SNX7: variants seen among roughly 807,000 people sequenced by gnomAD.
SNX7 encodes the protein sorting nexin-7.
In SNX7, 35 loss-of-function variants were observed where a neutral mutation model predicts 48.4. That is an observed-to-expected ratio of 0.72 (90% CI 0.55 to 0.96). SNX7 has a LOEUF of 0.96. Ranked by LOEUF, SNX7 falls within the 40% of genes least tolerant of loss-of-function variation. The probability of loss-of-function intolerance (pLI) is 0.00; values close to 1 mark genes in which losing one functional copy is unlikely to be tolerated. For synonymous variants in SNX7, 190 were observed against 190.2 expected (o/e 1.00, Z 0.01); for missense variants, 553 against 548.9 (o/e 1.01, Z -0.07).
At chr1:98,737,006 T>A (rs756609410) in intron 7 of SNX7, among the ~76,000 whole-genome samples, 1 of 152,086 alleles carries the variant, frequency 6.6e-6, no homozygotes, top group Non-Finnish European at 1.5e-5. Context: ...AACCTTACCA[T>A]AGACTACATG....
intron 4 of SNX7, among the ~76,000 whole-genome samples, chr1:98,695,212 C>A (rs367919207): frequency 6.6e-6 from 1 of 152,224 alleles, no homozygotes; most frequent in African/African-American, 2.4e-5. Flanking sequence ...ATCCTTATCT[C>A]CTCTAGTATC....
intron 1 of SNX7, chr1:98,662,454 A>T: frequency 6.6e-6 from 2 of 303,684 alleles, no homozygotes; most frequent in South Asian, 5.8e-5. Flanking sequence ...TGTTTCTAAC[A>T]GGAAGCTCCT....
intron 7 of SNX7, among the ~76,000 whole-genome samples, chr1:98,734,637 T>TTAC (rs1402363529): frequency 6.6e-6 from 1 of 152,180 alleles, no homozygotes; most frequent in Non-Finnish European, 1.5e-5. Context: ...ATAGTCATGA[T>TTAC]TACTGCTGTT....
At chr1:98,691,254 A>G (rs1017613095) in intron 3 of SNX7, 69 bp downstream of exon 3, 1 of 898,926 alleles carries the variant, frequency 1.1e-6, no homozygotes. Flanking sequence ...TTGAATGCCT[A>G]AAACCTAATT....
chr1:98,672,190 A>T (rs898808072), intron 1 of SNX7, among the ~76,000 whole-genome samples: 1 of 151,986 alleles, frequency 6.6e-6, no homozygotes, highest in Admixed American at 6.6e-5. Context: ...TTGCTCGTTT[A>T]TCTGTCAGCT....
At chr1:98,725,916 C>T (rs1653141202) in intron 7 of SNX7, among the ~76,000 whole-genome samples, 1 of 152,110 alleles carries the variant, frequency 6.6e-6, no homozygotes, top group Non-Finnish European at 1.5e-5. Context: ...AGTTCACCCA[C>T]CAACACTCTC....
Position 98,681,048 on chromosome 1 carries a change from G to A in SNX7, c.181-3837G>A, listed in dbSNP as rs114423637. Among the ~76,000 whole-genome samples, 1,169 of 152,292 alleles carry A rather than the reference G, an allele frequency of 7.7e-3. 10 individuals are homozygous for A. Among genetic ancestry groups the A allele is most frequent in the Middle Eastern group, 0.02 (6 of 294 alleles). On this transcript the variant is annotated intron_variant, in intron 1 of 8. Transcript: ENST00000306121. ...ACCTGAGACTGGGGCATTTGTATAG[G>A]AAAAGGGTTTAATGACTTACAATTC...
rs1304879421 is a variant in SNX7 at position 98,661,837 on chromosome 1, G to T, written c.106G>T (p.Gly36Cys). The part of the protein sequence containing the change: ...GGGAPFPGSS[G>C]SSALLQAEVL... ...CGGCGCCCCCTTTCCGGGCAGCAGTGGCTCTTCCGCCCTGCTGCAGGCGGA... is the reference window on the plus strand; with the variant it reads ...CGGCGCCCCCTTTCCGGGCAGCAGTTGCTCTTCCGCCCTGCTGCAGGCGGA... The change falls in exon 1 of 9, where the codon GGC becomes TGC. Residue 36 changes from glycine (G) to cysteine (C), a missense_variant. Physicochemically the swap from Gly to Cys is radical, Grantham distance 159. Transcript: ENST00000306121. The T allele has an allele frequency of 8.0e-7, 1 of 1,246,418 alleles. No homozygotes were observed. The highest frequency in any genetic ancestry group is 1.0e-6 in the Non-Finnish European group (1 of 987,322). 77.2% of individuals were successfully genotyped at this position (1,246,418 alleles called of 1,614,324 possible). A position where few individuals can be genotyped will look rare whatever the true frequency, so the allele number is the denominator to read the frequency against.
At chr1:98,677,977 C>CTG (rs150326628) in intron 1 of SNX7, among the ~76,000 whole-genome samples, 2 of 142,956 alleles carry the variant, frequency 1.4e-5, no homozygotes, top group South Asian at 2.2e-4. Flanking sequence ...CTGTATGAGT[C>CTG]TGTGTGTGTG....
At chr1:98,674,857 A>G (rs1169808895) in intron 1 of SNX7, among the ~76,000 whole-genome samples, 1 of 152,200 alleles carries the variant, frequency 6.6e-6, no homozygotes, top group Admixed American at 6.5e-5. Context: ...TTTCTTCTCT[A>G]TGAAACTCAC....
At chr1:98,703,454 G>A (rs992970817) in intron 7 of SNX7, among the ~76,000 whole-genome samples, 5 of 152,052 alleles carry the variant, frequency 3.3e-5, no homozygotes, top group African/African-American at 9.7e-5. Flanking sequence ...GTTCTCTCCA[G>A]TGGAATGTGA....
At position 98,661,872 on chromosome 1, in the gene SNX7, T is replaced by G. The variant is rs1373572525; in HGVS notation, c.141T>G (p.Asp47Glu). 1.6e-6 allele frequency: 2 copies of G among 1,246,224 alleles called. No homozygotes were observed. Among genetic ancestry groups the G allele is most frequent in the Non-Finnish European group, 2.0e-6 (2 of 987,146 alleles). The allele number at this position is 1,246,224 out of a possible 1,614,324, so 77.2% of individuals were successfully genotyped here. ...CCCTGCTGCAGGCGGAGGTGCTGGA[T>G]CTGGACGAGGACGAGGACGACCTGG... ...SSALLQAEVL[D>E]LDEDEDDLEV... The change falls in exon 1 of 9, where the codon GAT becomes GAG. Residue 47 changes from aspartate (D) to glutamate (E), a missense_variant. Asp to Glu is a conservative substitution (Grantham distance 45, BLOSUM62 2). Coordinates refer to ENST00000306121, the MANE Select transcript of SNX7 (RefSeq NM_015976.5).
chr1:98,732,845 AAT>A (rs1020188220), intron 7 of SNX7, among the ~76,000 whole-genome samples: 10 of 152,278 alleles, frequency 6.6e-5, no homozygotes, highest in Admixed American at 3.3e-4. Flanking sequence ...TGAAACATCA[AAT>A]AAAAAACCTT....
At chr1:98,688,539 T>G (rs904693190) in intron 2 of SNX7, among the ~76,000 whole-genome samples, 1 of 152,198 alleles carries the variant, frequency 6.6e-6, no homozygotes, top group African/African-American at 2.4e-5. Context: ...GTATTCTTGA[T>G]TGGCTGAACT....
At chr1:98,755,634 TA>T (rs1368080077) in intron 8 of SNX7, among the ~76,000 whole-genome samples, 1 of 151,954 alleles carries the variant, frequency 6.6e-6, no homozygotes, top group African/African-American at 2.4e-5. Flanking sequence ...TATGTATTTT[TA>T]ATTAAAAAAA....
chr1:98,698,925 A>G lies in SNX7; in HGVS notation c.1038+20A>G, dbSNP rs779689528. Reference sequence around the variant, plus strand: ...TTAATGGTAAGAACACCTAATTCTAATTTTACCTCAGTCCCTTACCTGATT... The same window carrying G: ...TTAATGGTAAGAACACCTAATTCTAGTTTTACCTCAGTCCCTTACCTGATT... On this transcript the variant is annotated intron_variant, in intron 6 of 8. Transcript: ENST00000306121. The G allele has an allele frequency of 3.1e-6, 5 of 1,609,114 alleles. No individual in the cohort carries two copies. The highest frequency in any genetic ancestry group is 4.3e-6 in the Non-Finnish European group (5 of 1,175,790).
chr1:98,685,444 G>T lies in SNX7; in HGVS notation c.363+377G>T, dbSNP rs146071244. 1.6e-4 allele frequency among the ~76,000 whole-genome samples: 25 copies of T among 152,284 alleles called. No homozygotes were observed. In the East Asian group the frequency reaches 4.8e-3, roughly 29 times the overall value. On this transcript the variant is annotated intron_variant, in intron 2 of 8. Transcript: ENST00000306121. The stretch of plus-strand genomic sequence containing the variant: ...ATTATGTATTCAGATTTCTTTGGAA[G>T]ATTATAAAATATGGTACCATTTGTT...
chr1:98,691,937 A>ACACTCTCTCTCTCTCTCT (rs376006567), intron 4 of SNX7, among the ~76,000 whole-genome samples: 6 of 131,066 alleles, frequency 4.6e-5, no homozygotes, highest in East Asian at 2.2e-4. Context: ...ACACACACAC[A>ACACTCTCTCTCTCTCTCT]CTCTCTCTCT....
chr1:98,677,075 C>G (rs1423624685), intron 1 of SNX7, among the ~76,000 whole-genome samples: 1 of 152,112 alleles, frequency 6.6e-6, no homozygotes, highest in African/African-American at 2.4e-5. Context: ...TTTAGGGGAA[C>G]AAATGTATCT....
Sources: allele counts gnomAD v4.1 joint callset (sites outside exome capture counted in the v4.1 genomes callset), GRCh38; gene constraint gnomAD v4.1.1; transcripts MANE v1.5; gene names NCBI Gene and HGNC (gene_info 2026-07-23, HGNC 2026-07-21).